GABRG3: variants seen among roughly 807,000 people sequenced by gnomAD.
The protein encoded by GABRG3 is gamma-aminobutyric acid receptor subunit gamma-3.
A neutral mutation model predicts 48.8 loss-of-function variants in GABRG3; 25 were observed. The observed-to-expected ratio is 0.51, with a 90% CI of 0.37 to 0.72. The LOEUF (loss-of-function observed/expected upper bound fraction) is 0.72. Ranked by LOEUF, GABRG3 falls within the 30% of genes least tolerant of loss-of-function variation. The probability of loss-of-function intolerance (pLI) is 0.00; values close to 1 mark genes in which losing one functional copy is unlikely to be tolerated. For synonymous variants in GABRG3, 227 were observed against 217.6 expected (o/e 1.04, Z -0.38); for missense variants, 394 against 577.9 (o/e 0.68, Z 3.26).
chr15:27,361,923 C>T (rs1595704547), intron 5 of GABRG3, among the ~76,000 whole-genome samples: 1 of 152,176 alleles, frequency 6.6e-6, no homozygotes, highest in East Asian at 1.9e-4. Flanking sequence ...GTTCAATAGT[C>T]CCTTTAAAGA....
intron 3 of GABRG3, chr15:27,208,194 G>T: frequency 6.3e-6 from 1 of 159,658 alleles, no homozygotes; most frequent in South Asian, 1.7e-4. Flanking sequence ...TGATACTCAG[G>T]ATGGACTTGA....
chr15:27,436,816 A>T (rs1320550091), intron 5 of GABRG3, among the ~76,000 whole-genome samples: 1 of 152,056 alleles, frequency 6.6e-6, no homozygotes, highest in Non-Finnish European at 1.5e-5. Context: ...AACAGAGAAC[A>T]TTCAGAGGGT....
At chr15:27,388,811 C>A (rs914096328) in intron 5 of GABRG3, among the ~76,000 whole-genome samples, 3 of 152,020 alleles carry the variant, frequency 2.0e-5, no homozygotes, top group Non-Finnish European at 4.4e-5. Flanking sequence ...GAGAGTCTGC[C>A]TGTGAGTTAA....
At chr15:27,476,866 A>G (rs1266380083) in intron 5 of GABRG3, among the ~76,000 whole-genome samples, 2 of 152,230 alleles carry the variant, frequency 1.3e-5, no homozygotes, top group Non-Finnish European at 2.9e-5. Context: ...ATCTGTACAC[A>G]TTATAGTCAA....
intron 3 of GABRG3, among the ~76,000 whole-genome samples, chr15:27,254,955 G>A (rs117279460): frequency 0.018 from 2,767 of 152,146 alleles, 35 homozygotes; most frequent in Non-Finnish European, 0.031. Flanking sequence ...AGAATTGGGA[G>A]GTGCAACCAC....
At chr15:27,316,016 T>G (rs1893201429) in intron 3 of GABRG3, among the ~76,000 whole-genome samples, 1 of 152,204 alleles carries the variant, frequency 6.6e-6, no homozygotes, top group Non-Finnish European at 1.5e-5. Context: ...AACGCTATTT[T>G]CCTTCTATTG....
intron 3 of GABRG3, among the ~76,000 whole-genome samples, chr15:27,324,860 C>G (rs1345848652): frequency 6.6e-6 from 1 of 152,226 alleles, no homozygotes; most frequent in East Asian, 1.9e-4. Flanking sequence ...TTGGGCCCTA[C>G]AGCTTTCAGT....
intron 3 of GABRG3, among the ~76,000 whole-genome samples, chr15:27,277,572 G>A (rs1045861294): frequency 4.6e-5 from 7 of 152,086 alleles, no homozygotes; most frequent in African/African-American, 1.7e-4. Flanking sequence ...ATTGTTCCAG[G>A]ACATAAAACT....
chr15:27,039,911 C>T (rs1021075612), intron 3 of GABRG3, among the ~76,000 whole-genome samples: 5 of 152,236 alleles, frequency 3.3e-5, no homozygotes, highest in South Asian at 2.1e-4. Context: ...AACCACTCAC[C>T]GAGGAGAATC....
At chr15:27,215,030 C>T (rs553058946) in intron 3 of GABRG3, among the ~76,000 whole-genome samples, 3 of 152,314 alleles carry the variant, frequency 2.0e-5, no homozygotes, top group South Asian at 4.1e-4. Flanking sequence ...GGCCAGATTG[C>T]AGATTTGTGT....
At chr15:27,190,036 T>A (rs1010093223) in intron 3 of GABRG3, among the ~76,000 whole-genome samples, 1 of 152,212 alleles carries the variant, frequency 6.6e-6, no homozygotes, top group Non-Finnish European at 1.5e-5. Flanking sequence ...ATTTATAGAT[T>A]TGTGTATATT....
intron 3 of GABRG3, among the ~76,000 whole-genome samples, chr15:27,043,039 T>C (rs1169171562): frequency 1.3e-5 from 2 of 152,244 alleles, no homozygotes; most frequent in Admixed American, 6.5e-5. Flanking sequence ...GCTCAATAAC[T>C]GTCTTGTTCT....
At chr15:27,393,212 C>G (rs28806893) in intron 5 of GABRG3, among the ~76,000 whole-genome samples, 1 of 151,522 alleles carries the variant, frequency 6.6e-6, no homozygotes, top group South Asian at 2.1e-4. Context: ...GGCGTGGTGG[C>G]GGGTGCCTGT....
At chr15:27,077,602 C>T (rs1896930041) in intron 3 of GABRG3, among the ~76,000 whole-genome samples, 1 of 152,186 alleles carries the variant, frequency 6.6e-6, no homozygotes, top group Non-Finnish European at 1.5e-5. Flanking sequence ...CTTCCCCAGA[C>T]CCCGTGTGAG....
At chr15:27,485,219 T>C (rs1890193059) in intron 6 of GABRG3, among the ~76,000 whole-genome samples, 1 of 152,266 alleles carries the variant, frequency 6.6e-6, no homozygotes, top group South Asian at 2.1e-4. Flanking sequence ...GGCAAGAAGG[T>C]GGCTATGGAA....
At chr15:27,465,911 C>T (rs1465288268) in intron 5 of GABRG3, among the ~76,000 whole-genome samples, 1 of 152,182 alleles carries the variant, frequency 6.6e-6, no homozygotes, top group Non-Finnish European at 1.5e-5. Flanking sequence ...AAATGCTGGA[C>T]ATGATCCACT....
chr15:27,048,270 C>T (rs1027562918), intron 3 of GABRG3, among the ~76,000 whole-genome samples: 6 of 152,206 alleles, frequency 3.9e-5, no homozygotes, highest in African/African-American at 1.2e-4. Context: ...AGAGGTGCCA[C>T]TGACATGGTT....
intron 3 of GABRG3, 161 bp downstream of exon 3, chr15:27,026,982 A>G: frequency 2.0e-6 from 1 of 509,180 alleles, no homozygotes; most frequent in East Asian, 3.2e-5. Flanking sequence ...GTAAAAAAAA[A>G]AATGAAGAAA....
chr15:27,069,599 G>A (rs1429523216), intron 3 of GABRG3, among the ~76,000 whole-genome samples: 2 of 152,180 alleles, frequency 1.3e-5, no homozygotes, highest in Non-Finnish European at 2.9e-5. Flanking sequence ...GGAAAGGCTA[G>A]CAGAGTATAA....
Sources: allele counts gnomAD v4.1 joint callset (sites outside exome capture counted in the v4.1 genomes callset), GRCh38; gene constraint gnomAD v4.1.1; transcripts MANE v1.5; gene names NCBI Gene and HGNC (gene_info 2026-07-23, HGNC 2026-07-21).